PDRG1: variants seen among roughly 807,000 people sequenced by gnomAD.
PDRG1 encodes the protein p53 and DNA damage-regulated protein 1.
PDRG1 carries 14 observed loss-of-function variants against 18.4 expected under a neutral mutation model. The observed-to-expected ratio is 0.76, with a 90% CI of 0.50 to 1.19. PDRG1 has a LOEUF of 1.19. Ranked by LOEUF, PDRG1 falls within the 50% of genes most tolerant of loss-of-function variation. PDRG1 has a pLI of 0.00. For missense variants in PDRG1, 177 were observed against 160.1 expected (o/e 1.11, Z -0.57); for synonymous variants, 65 against 60.9 (o/e 1.07, Z -0.31).
chr20:31,945,627 T>TCCCTG lies in PDRG1; in HGVS notation c.*179_*180insCAGGG. 1.9e-6 allele frequency: 1 copy of TCCCTG among 515,658 alleles called. No individual in the cohort carries two copies. The highest frequency in any genetic ancestry group is 3.4e-6 in the Non-Finnish European group (1 of 291,622). 31.9% of individuals were successfully genotyped at this position (515,658 alleles called of 1,614,324 possible). A position where few individuals can be genotyped will look rare whatever the true frequency, so the allele number is the denominator to read the frequency against. ...GTCCAGGTCCAGCAGCCAGACAGGC[T>TCCCTG]GAAGGTTCCCTCCTGCCATCACAGA... On this transcript the variant is annotated 3_prime_UTR_variant, in exon 5 of 5. Transcript: ENST00000202017.
intron 3 of PDRG1, 107 bp downstream of exon 3, chr20:31,948,701 G>A: frequency 2.0e-6 from 2 of 1,019,712 alleles, no homozygotes; most frequent in Non-Finnish European, 2.9e-6. Flanking sequence ...CCCTGTGACA[G>A]AACTGCCTCT....
At position 31,951,808 on chromosome 20, in the gene PDRG1, C is replaced by T. The variant is rs1030724340; in HGVS notation, c.87+67G>A. ...TTAACCGCCTGTCCAGGTCAACTCA[C>T]TGCGACCCCGCGCGCTTTCCCACGG... On this transcript the variant is annotated intron_variant, in intron 1 of 4. Coordinates refer to ENST00000202017, the MANE Select transcript of PDRG1 (RefSeq NM_030815.3). 6.0e-5 allele frequency: 90 copies of T among 1,494,944 alleles called. No individual in the cohort carries two copies. The African/African-American group carries it at 1.1e-3, about 18-fold the overall frequency. 92.6% of individuals were successfully genotyped at this position (1,494,944 alleles called of 1,614,324 possible). A position where few individuals can be genotyped will look rare whatever the true frequency, so the allele number is the denominator to read the frequency against.
rs1427085437 is a variant in PDRG1, at chr20:31,948,729, CCTGA to C, written c.238+75_238+78del. 5 of 1,347,008 alleles carry C rather than the reference CCTGA, an allele frequency of 3.7e-6. No homozygotes were observed. The African/African-American group carries it at 7.4e-5, about 20-fold the overall frequency. 83.4% of individuals were successfully genotyped at this position (1,347,008 alleles called of 1,614,324 possible). ...CTGCCTCTCCTTACGCTGCCTGAAG[CCTGA>C]CTCCCTGTTCTGGGTTAAGACCAAA... On this transcript the variant is annotated intron_variant, in intron 3 of 4. Coordinates refer to ENST00000202017, the MANE Select transcript of PDRG1 (RefSeq NM_030815.3).
Position 31,950,307 on chromosome 20 carries a change from C to T in PDRG1, c.163+5G>A. On this transcript the variant is annotated splice_donor_5th_base_variant and intron_variant, in intron 2 of 4. Coordinates refer to ENST00000202017, the MANE Select transcript of PDRG1 (RefSeq NM_030815.3). ...CAGGGCTGCACTGAGAAAATTTCAACTTACCAGAGAGGCTGAGATCCTTCT... is the reference window on the plus strand; with the variant it reads ...CAGGGCTGCACTGAGAAAATTTCAATTTACCAGAGAGGCTGAGATCCTTCT... 1 of 1,601,346 alleles carries T rather than the reference C, an allele frequency of 6.2e-7. No homozygotes were observed. Among genetic ancestry groups the T allele is most frequent in the Non-Finnish European group, 8.6e-7 (1 of 1,168,390 alleles).
In PDRG1 at chr20:31,944,962, C is replaced by G. The variant is rs770911462; in HGVS notation, c.*845G>C. On this transcript the variant is annotated 3_prime_UTR_variant, in exon 5 of 5. Coordinates refer to ENST00000202017, the MANE Select transcript of PDRG1 (RefSeq NM_030815.3). ...CAAATAAAGACTAGTTGCTGCTATTCATTCATTCAGCTAACATTTATTGAG... is the reference window on the plus strand; with the variant it reads ...CAAATAAAGACTAGTTGCTGCTATTGATTCATTCAGCTAACATTTATTGAG... 6.6e-6 allele frequency: 1 copy of G among 152,222 alleles called. No homozygotes were observed. Among genetic ancestry groups the G allele is most frequent in the South Asian group, 2.1e-4 (1 of 4,828 alleles). The allele number at this position is 152,222 out of a possible 1,614,324, so 9.4% of individuals were successfully genotyped here. A position where few individuals can be genotyped will look rare whatever the true frequency, so the allele number is the denominator to read the frequency against.
At position 31,945,555 on chromosome 20, in the gene PDRG1, T is replaced by A. The variant is rs2064309255; in HGVS notation, c.*252A>T. ...AGCCACTGCCCCACACACCCACTGG[T>A]GGCTACCAAGGCCCGTCAATAGATC... On this transcript the variant is annotated 3_prime_UTR_variant, in exon 5 of 5. Coordinates refer to ENST00000202017, the MANE Select transcript of PDRG1 (RefSeq NM_030815.3). The A allele has an allele frequency of 2.4e-6, 1 of 412,046 alleles. No individual in the cohort carries two copies. The highest frequency in any genetic ancestry group is 4.4e-6 in the Non-Finnish European group (1 of 227,480). The allele number at this position is 412,046 out of a possible 1,614,324, so 25.5% of individuals were successfully genotyped here. A position where few individuals can be genotyped will look rare whatever the true frequency, so the allele number is the denominator to read the frequency against.
intron 1 of PDRG1, 99 bp from the exon 2 acceptor site, chr20:31,950,486 T>A (rs1246947960): frequency 8.1e-6 from 7 of 868,888 alleles, no homozygotes; most frequent in Non-Finnish European, 1.3e-5. Context: ...TTATTCCTGA[T>A]TACATTCAAC....
chr20:31,948,690 A>G, intron 3 of PDRG1, 118 bp downstream of exon 3: 2 of 905,242 alleles, frequency 2.2e-6, no homozygotes, highest in South Asian at 1.7e-5. Context: ...AGCAGTCTGA[A>G]CCCTGTGACA....
intron 3 of PDRG1, among the ~76,000 whole-genome samples, chr20:31,947,427 G>A (rs2064325977): frequency 6.6e-6 from 1 of 152,178 alleles, no homozygotes; most frequent in African/African-American, 2.4e-5. Flanking sequence ...ACGACATTTG[G>A]GGGCCAAAAG....
At chr20:31,947,158 G>A (rs1298253378) in intron 3 of PDRG1, among the ~76,000 whole-genome samples, 1 of 152,182 alleles carries the variant, frequency 6.6e-6, no homozygotes, top group Non-Finnish European at 1.5e-5. Context: ...GACAGAGGTG[G>A]CTATCAAAGC....
intron 1 of PDRG1, among the ~76,000 whole-genome samples, 170 bp downstream of exon 1, chr20:31,951,700 AGAGAG>A (rs1188537132): frequency 1.3e-5 from 2 of 152,224 alleles, no homozygotes; most frequent in African/African-American, 2.4e-5. Context: ...AAGGATGAAG[AGAGAG>A]GAATGTCCAG....
chr20:31,946,123 T>C (rs576187637), intron 4 of PDRG1, among the ~76,000 whole-genome samples: 85 of 152,288 alleles, frequency 5.6e-4, no homozygotes, highest in African/African-American at 2.0e-3. Flanking sequence ...TTCCAAGACC[T>C]GTGACCAATC....
chr20:31,946,650 G>A (rs2064321196), intron 3 of PDRG1, 74 bp from the exon 4 acceptor site: 3 of 1,327,718 alleles, frequency 2.3e-6, no homozygotes, highest in Non-Finnish European at 3.2e-6. Context: ...GGAGAGGCCA[G>A]CCTCTCCCCA....
At chr20:31,947,907 T>C (rs1193729847) in intron 3 of PDRG1, among the ~76,000 whole-genome samples, 1 of 151,856 alleles carries the variant, frequency 6.6e-6, no homozygotes, top group Non-Finnish European at 1.5e-5. Context: ...AAAAAAAAAG[T>C]TTTATTTCAT....
At chr20:31,947,646 T>C (rs1386110313) in intron 3 of PDRG1, among the ~76,000 whole-genome samples, 1 of 152,182 alleles carries the variant, frequency 6.6e-6, no homozygotes, top group African/African-American at 2.4e-5. Context: ...TCCCAGCACT[T>C]TGGTGGGAGG....
Position 31,945,854 on chromosome 20 carries a change from G to C in PDRG1, c.355C>G (p.Leu119Val). 1 of 1,613,944 alleles carries C rather than the reference G, an allele frequency of 6.2e-7. No homozygotes were observed. The highest frequency in any genetic ancestry group is 8.5e-7 in the Non-Finnish European group (1 of 1,179,978). ...AGAGCTTTAAGCTCATCCTGGTTGA[G>C]GGGGTTCAAGTTAAAACCCTTCAGC... ...PELKGFNLNP[L>V]NQDELKALKV... Residue 119 changes from leucine to valine, a missense_variant, in exon 5 of 5, where the codon CTC becomes GTC. By Grantham distance (32) the Leu-to-Val change is conservative (BLOSUM62 1). Coordinates refer to ENST00000202017, the MANE Select transcript of PDRG1 (RefSeq NM_030815.3).
chr20:31,950,262 A>T (rs1348506811), intron 2 of PDRG1, 50 bp downstream of exon 2: 1 of 1,391,718 alleles, frequency 7.2e-7, no homozygotes. Context: ...AAGGCCTTAA[A>T]GGAAAACGGA....
At chr20:31,949,109 C>T (rs1568862919) in intron 2 of PDRG1, among the ~76,000 whole-genome samples, 1 of 152,064 alleles carries the variant, frequency 6.6e-6, no homozygotes, top group Admixed American at 6.6e-5. Flanking sequence ...CAGAGGAGGA[C>T]CTTGTTAATC....
In PDRG1 at chr20:31,952,031, G is replaced by T; in HGVS notation, c.-70C>A. ...CTCCGCTTCGACTCCCGCTGCGCAC[G>T]CGCCGCTCTCTAGGTGCTTCCGGCG... On this transcript the variant is annotated 5_prime_UTR_variant, in exon 1 of 5. Coordinates refer to ENST00000202017, the MANE Select transcript of PDRG1 (RefSeq NM_030815.3). 6.7e-7 allele frequency: 1 copy of T among 1,482,368 alleles called. No individual in the cohort carries two copies. Among genetic ancestry groups the T allele is most frequent in the South Asian group, 1.3e-5 (1 of 74,320 alleles). 91.8% of individuals were successfully genotyped at this position (1,482,368 alleles called of 1,614,324 possible).
Sources: gnomAD v4.1 joint callset for allele counts (sites outside exome capture counted in the v4.1 genomes callset) on GRCh38, gnomAD v4.1.1 for gene constraint, MANE v1.5 for transcripts, NCBI Gene and HGNC (gene_info 2026-07-23, HGNC 2026-07-21) for gene names.